The following NRG3 variants were observed in gnomAD, a reference collection of about 807,000 sequenced individuals.
NRG3 encodes the protein neuregulin 3.
Under a neutral mutation model 66.9 loss-of-function variants are expected in NRG3, and 31 were observed. The ratio of observed to expected loss-of-function variants is 0.46; its 90% CI spans 0.35 to 0.63. NRG3 has a LOEUF of 0.63. NRG3 is among the 20% of genes least tolerant of loss of function. NRG3 has a pLI of 0.00. For missense variants in NRG3, 910 were observed against 878.9 expected (o/e 1.04, Z -0.45); for synonymous variants, 393 against 359.4 (o/e 1.09, Z -1.06).
intron 1 of NRG3, among the ~76,000 whole-genome samples, chr10:82,046,283 T>G (rs188513111): frequency 1.5e-5 from 1 of 67,216 alleles, no homozygotes; most frequent in African/African-American, 4.2e-5. Flanking sequence ...AGGTCCTTCA[T>G]GTCCCTTGTA....
At chr10:81,877,588 G>A (rs1841787955) in intron 1 of NRG3, 1 of 726,390 alleles carries the variant, frequency 1.4e-6, no homozygotes, top group Non-Finnish European at 1.7e-6. Flanking sequence ...TTTAAAGAAT[G>A]TAGTGTATTT....
At chr10:82,148,476 C>T (rs775985567) in intron 1 of NRG3, among the ~76,000 whole-genome samples, 2 of 152,118 alleles carry the variant, frequency 1.3e-5, no homozygotes, top group African/African-American at 2.4e-5. Flanking sequence ...GACCAAATGG[C>T]TTTTTTGCCG....
At chr10:82,867,924 A>G (rs1393088036) in intron 4 of NRG3, among the ~76,000 whole-genome samples, 1 of 152,206 alleles carries the variant, frequency 6.6e-6, no homozygotes, top group Non-Finnish European at 1.5e-5. Flanking sequence ...TGTGAGCATC[A>G]GTACTCATTT....
At chr10:82,777,600 T>C (rs1005942732) in intron 3 of NRG3, among the ~76,000 whole-genome samples, 1 of 152,164 alleles carries the variant, frequency 6.6e-6, no homozygotes, top group Admixed American at 6.5e-5. Flanking sequence ...GTTGTGACTC[T>C]GGTCCTGGGG....
chr10:82,756,068 G>A (rs1317704896), intron 3 of NRG3, among the ~76,000 whole-genome samples: 1 of 151,530 alleles, frequency 6.6e-6, no homozygotes, highest in Admixed American at 6.6e-5. Context: ...CGTACCGTTT[G>A]TTTTCCATCT....
chr10:82,152,284 C>T (rs980823793), intron 1 of NRG3, among the ~76,000 whole-genome samples: 1 of 152,192 alleles, frequency 6.6e-6, no homozygotes, highest in Non-Finnish European at 1.5e-5. Flanking sequence ...ATACTGGAAA[C>T]AGCTTCTCTG....
intron 2 of NRG3, among the ~76,000 whole-genome samples, chr10:82,379,612 C>T (rs1282273224): frequency 6.6e-6 from 1 of 152,042 alleles, no homozygotes; most frequent in Non-Finnish European, 1.5e-5. Context: ...TAAATATTCA[C>T]TCTTATGAAA....
chr10:82,607,179 AGTATT>A (rs2048021128), intron 2 of NRG3, among the ~76,000 whole-genome samples: 1 of 152,210 alleles, frequency 6.6e-6, no homozygotes, highest in African/African-American at 2.4e-5. Context: ...CTGTTAGAGG[AGTATT>A]GAAATCTTCA....
At chr10:82,539,064 G>A (rs1003469424) in intron 2 of NRG3, among the ~76,000 whole-genome samples, 6 of 152,180 alleles carry the variant, frequency 3.9e-5, no homozygotes, top group Admixed American at 1.3e-4. Context: ...AGAGAAACTG[G>A]TGTATAATTC....
At chr10:82,980,672 G>T (rs962860288) in intron 8 of NRG3, among the ~76,000 whole-genome samples, 1 of 152,206 alleles carries the variant, frequency 6.6e-6, no homozygotes, top group African/African-American at 2.4e-5. Context: ...TGGAAGATAG[G>T]AAATAAATGG....
chr10:82,435,209 T>G (rs776349870), intron 2 of NRG3, among the ~76,000 whole-genome samples: 2 of 152,220 alleles, frequency 1.3e-5, no homozygotes, highest in Non-Finnish European at 2.9e-5. Context: ...CCATTTCTTC[T>G]AGATTTTCTA....
intron 3 of NRG3, chr10:82,859,007 C>A (rs868066460): frequency 7.0e-6 from 1 of 142,234 alleles, no homozygotes; most frequent in Middle Eastern, 4.5e-3. Flanking sequence ...AGTGCAGTGA[C>A]ACGATCTCGG....
intron 2 of NRG3, among the ~76,000 whole-genome samples, chr10:82,418,681 G>C (rs1190114438): frequency 6.6e-6 from 1 of 152,066 alleles, no homozygotes; most frequent in Non-Finnish European, 1.5e-5. Flanking sequence ...GCTTACTGTA[G>C]CCTCAAATTC....
intron 1 of NRG3, among the ~76,000 whole-genome samples, chr10:82,068,096 C>A (rs1250539117): frequency 6.6e-6 from 1 of 152,058 alleles, no homozygotes; most frequent in Non-Finnish European, 1.5e-5. Flanking sequence ...GAGTGTAGAA[C>A]AATAGAATTA....
intron 1 of NRG3, among the ~76,000 whole-genome samples, chr10:81,918,398 A>T (rs1003229061): frequency 6.6e-6 from 1 of 152,208 alleles, no homozygotes. Flanking sequence ...TGGGCAGAGT[A>T]AACACAAGTA....
intron 1 of NRG3, among the ~76,000 whole-genome samples, chr10:81,947,355 C>T (rs956085325): frequency 2.6e-5 from 4 of 152,134 alleles, no homozygotes; most frequent in Non-Finnish European, 5.9e-5. Flanking sequence ...TTCTAAGGTA[C>T]TAGGGTCAAG....
chr10:82,642,267 G>GTT (rs71009812), intron 2 of NRG3, among the ~76,000 whole-genome samples: 91 of 148,578 alleles, frequency 6.1e-4, no homozygotes, highest in Non-Finnish European at 6.6e-4. Context: ...AGTAGATGGA[G>GTT]TTTTTTTTTT....
At chr10:82,265,573 C>T (rs61863038) in intron 1 of NRG3, among the ~76,000 whole-genome samples, 1,789 of 152,224 alleles carry the variant, frequency 0.012, 27 homozygotes, top group Non-Finnish European at 0.017. Flanking sequence ...TAATAGATAA[C>T]GATGAGTTCT....
chr10:82,441,685 G>A (rs2090440472), intron 2 of NRG3, among the ~76,000 whole-genome samples: 1 of 152,084 alleles, frequency 6.6e-6, no homozygotes, highest in Non-Finnish European at 1.5e-5. Flanking sequence ...GTTCCTAGAT[G>A]GGGAAAACCA....
Sources: allele counts gnomAD v4.1 joint callset (sites outside exome capture counted in the v4.1 genomes callset), GRCh38; gene constraint gnomAD v4.1.1; transcripts MANE v1.5; gene names NCBI Gene and HGNC (gene_info 2026-07-23, HGNC 2026-07-21).